The following WDR1 variants were observed in gnomAD, a reference collection of about 807,000 sequenced individuals.
WDR1 encodes WD repeat-containing protein 1.
In WDR1, 21 loss-of-function variants were observed where a neutral mutation model predicts 71.9. The observed-to-expected ratio is 0.29, with a 90% CI of 0.21 to 0.42. WDR1 has a LOEUF of 0.42. Among genes scored for constraint, WDR1 ranks in the 10% least tolerant of loss-of-function variants. WDR1 has a pLI of 1.00. For missense variants in WDR1, 696 were observed against 824.5 expected (o/e 0.84, Z 1.91); for synonymous variants, 424 against 347.4 (o/e 1.22, Z -2.45).
intron 8 of WDR1, among the ~76,000 whole-genome samples, chr4:10,086,569 G>A (rs1017610657): frequency 2.1e-4 from 32 of 152,212 alleles, no homozygotes; most frequent in Middle Eastern, 3.4e-3. Flanking sequence ...AGGAGCCACT[G>A]ACAGCACAGC....
chr4:10,090,577 C>G (rs1323247160), intron 5 of WDR1, among the ~76,000 whole-genome samples: 1 of 152,186 alleles, frequency 6.6e-6, no homozygotes, highest in East Asian at 1.9e-4. Context: ...AAGATTAAAC[C>G]ATTTCCTCCA....
Position 10,099,195 on chromosome 4 carries a change from G to T in WDR1, c.230-56C>A, listed in dbSNP as rs1712545358. On this transcript the variant is annotated intron_variant, in intron 3 of 14. Coordinates refer to ENST00000499869, the MANE Select transcript of WDR1 (RefSeq NM_017491.5). ...GAGGCGGTGGTGGGGTAAAGGGCAG[G>T]GGGAGAGCCACAGGTCACTGCCGGG... The T allele has an allele frequency of 2.3e-6, 3 of 1,326,692 alleles. No homozygotes were observed. The Admixed American group carries it at 6.0e-5, about 27-fold the overall frequency. The allele number at this position is 1,326,692 out of a possible 1,614,324, so 82.2% of individuals were successfully genotyped here.
At position 10,077,734 on chromosome 4, in the gene WDR1, G is replaced by C; in HGVS notation, c.1569+19C>G. On this transcript the variant is annotated intron_variant, in intron 13 of 14. Coordinates refer to ENST00000499869, the MANE Select transcript of WDR1 (RefSeq NM_017491.5). ...CACCGCCCAGCACGGGGACAGAGGA[G>C]GAGCCCGCCGCCACTCACCGAGTAG... The C allele has an allele frequency of 6.4e-7, 1 of 1,553,246 alleles. No individual in the cohort carries two copies. The highest frequency in any genetic ancestry group is 8.7e-7 in the Non-Finnish European group (1 of 1,148,014).
intron 5 of WDR1, 76 bp downstream of exon 5, chr4:10,097,635 A>G: frequency 5.3e-6 from 8 of 1,503,192 alleles, no homozygotes; most frequent in South Asian, 5.1e-5. Context: ...CTCTGCCATC[A>G]GCATCTAAAC....
intron 10 of WDR1, 49 bp downstream of exon 10, chr4:10,082,972 GA>G: frequency 6.4e-7 from 1 of 1,569,256 alleles, no homozygotes. Flanking sequence ...CAAGCCCTCC[GA>G]GGGGAGCTGA....
intron 3 of WDR1, among the ~76,000 whole-genome samples, chr4:10,101,894 CTT>C (rs1712703839): frequency 6.6e-6 from 1 of 152,252 alleles, no homozygotes; most frequent in Non-Finnish European, 1.5e-5. Flanking sequence ...AATGAAGAGA[CTT>C]TTGCTGGCAA....
intron 3 of WDR1, among the ~76,000 whole-genome samples, chr4:10,102,297 G>C (rs946781713): frequency 2.6e-5 from 4 of 152,234 alleles, no homozygotes; most frequent in African/African-American, 9.6e-5. Flanking sequence ...CTCAACTAAG[G>C]CTACGCCACC....
intron 3 of WDR1, among the ~76,000 whole-genome samples, chr4:10,102,533 G>C (rs931434437): frequency 5.9e-5 from 9 of 152,188 alleles, no homozygotes; most frequent in African/African-American, 1.9e-4. Flanking sequence ...CACAGCAAAA[G>C]GCCCTTGACA....
At chr4:10,090,640 A>G (rs535110604) in intron 5 of WDR1, among the ~76,000 whole-genome samples, 27 of 152,346 alleles carry the variant, frequency 1.8e-4, no homozygotes, top group African/African-American at 6.5e-4. Context: ...GGGTGCTGCC[A>G]AGACCTGCTC....
chr4:10,080,598 C>A (rs921113983), intron 11 of WDR1, among the ~76,000 whole-genome samples: 8 of 152,364 alleles, frequency 5.3e-5, no homozygotes, highest in East Asian at 3.9e-4. Context: ...TAGCAGGGCT[C>A]GCCACTCGTG....
intron 2 of WDR1, among the ~76,000 whole-genome samples, chr4:10,104,238 CCTTTTCTG>C (rs1712889833): frequency 1.3e-5 from 2 of 152,080 alleles, no homozygotes; most frequent in African/African-American, 4.8e-5. Context: ...TGATTTTTTT[CCTTTTCTG>C]CTTTTCTGTA....
Position 10,116,676 on chromosome 4 carries a change from C to G in WDR1, c.-10G>C, listed in dbSNP as rs1336959887. On this transcript the variant is annotated 5_prime_UTR_variant, in exon 1 of 15. Coordinates refer to ENST00000499869, the MANE Select transcript of WDR1 (RefSeq NM_017491.5). ...TGATCTCGTACGGCATCCTCGCCCA[C>G]TTGTTACCGCGCCGCGCTCGCCGAG... The G allele has an allele frequency of 1.1e-5, 15 of 1,350,922 alleles. No homozygotes were observed. Among genetic ancestry groups the G allele is most frequent in the Non-Finnish European group, 1.4e-5 (15 of 1,044,218 alleles). The allele number at this position is 1,350,922 out of a possible 1,614,324, so 83.7% of individuals were successfully genotyped here. A position where few individuals can be genotyped will look rare whatever the true frequency, so the allele number is the denominator to read the frequency against.
Position 10,104,000 on chromosome 4 carries a change from C to A in WDR1, c.139-14G>T. 2 of 1,584,528 alleles carry A rather than the reference C, an allele frequency of 1.3e-6. No individual in the cohort carries two copies. Among genetic ancestry groups the A allele is most frequent in the Non-Finnish European group, 1.7e-6 (2 of 1,165,366 alleles). On this transcript the variant is annotated splice_polypyrimidine_tract_variant and intron_variant, in intron 2 of 14. Transcript: ENST00000499869. The stretch of plus-strand genomic sequence containing the variant: ...AAGGGCTGGGTTCTGCAGGAGGAGA[C>A]CCCGGAATGAACAGAAGGAATGGAG...
At position 10,103,939 on chromosome 4, in the gene WDR1, C is replaced by G; in HGVS notation, c.186G>C (p.Val62=). ...DIYTEHAHQV[V]VAKYAPSGFY... ...ATCCGCTGGGCGCATACTTGGCCAC[C>G]ACCACCTGATGGGCGTGCTCTGTGT... is the stretch of plus-strand genomic sequence containing the variant. The change falls in exon 3 of 15, where the codon GTG becomes GTC. Residue 62 remains valine, a synonymous_variant. Coordinates refer to ENST00000499869, the MANE Select transcript of WDR1 (RefSeq NM_017491.5). 1 of 1,603,156 alleles carries G rather than the reference C, an allele frequency of 6.2e-7. No homozygotes were observed. Among genetic ancestry groups the G allele is most frequent in the East Asian group, 2.2e-5 (1 of 44,456 alleles).
rs1281909497 is a variant in WDR1, at chr4:10,074,521, G to A, written c.*857C>T. 6.6e-6 allele frequency: 1 copy of A among 152,570 alleles called. No homozygotes were observed. Among genetic ancestry groups the A allele is most frequent in the Non-Finnish European group, 1.5e-5 (1 of 68,036 alleles). The allele number at this position is 152,570 out of a possible 1,614,324, so 9.5% of individuals were successfully genotyped here. On this transcript the variant is annotated 3_prime_UTR_variant, in exon 15 of 15. Transcript: ENST00000499869. ...TTAATTTCTGCACTGAAAAAGAAAA[G>A]GAAGGTAAAAACAATGACAGATTAG...
Position 10,116,781 on chromosome 4 carries a change from G to C in WDR1, c.-115C>G. ...GGACTGGAGCCGGAAGGCGGCACCG[G>C]GCGTGCCGGGAGTGGAGTGGGCGGT... On this transcript the variant is annotated 5_prime_UTR_variant, in exon 1 of 15. Coordinates refer to ENST00000499869, the MANE Select transcript of WDR1 (RefSeq NM_017491.5). 8.4e-7 allele frequency: 1 copy of C among 1,195,142 alleles called. No homozygotes were observed. Among genetic ancestry groups the C allele is most frequent in the Non-Finnish European group, 1.1e-6 (1 of 951,440 alleles). The allele number at this position is 1,195,142 out of a possible 1,614,324, so 74.0% of individuals were successfully genotyped here.
rs1189105386 is a variant in WDR1 at position 10,092,916 on chromosome 4, T to C, written c.559-4175A>G. On this transcript the variant is annotated intron_variant, in intron 5 of 14. Coordinates refer to ENST00000499869, the MANE Select transcript of WDR1 (RefSeq NM_017491.5). ...TCCAGCCTCATCCCTGGTGGACAAC[T>C]GACGGTGTCCGGTCCACACTCCTGC... is the stretch of plus-strand genomic sequence containing the variant. 4 of 525,742 alleles carry C rather than the reference T, an allele frequency of 7.6e-6. No individual in the cohort carries two copies. In the East Asian group the frequency reaches 2.8e-4, roughly 37 times the overall value. The allele number at this position is 525,742 out of a possible 1,614,324, so 32.6% of individuals were successfully genotyped here. A position where few individuals can be genotyped will look rare whatever the true frequency, so the allele number is the denominator to read the frequency against.
At chr4:10,085,839 A>G (rs1348066154) in intron 8 of WDR1, among the ~76,000 whole-genome samples, 1 of 152,214 alleles carries the variant, frequency 6.6e-6, no homozygotes, top group Non-Finnish European at 1.5e-5. Context: ...AGCACCGAAC[A>G]TCAGCATCTG....
intron 2 of WDR1, among the ~76,000 whole-genome samples, chr4:10,108,056 TC>T (rs1039782086): frequency 6.6e-6 from 1 of 151,258 alleles, no homozygotes; most frequent in African/African-American, 2.4e-5. Context: ...CTAAACATAC[TC>T]CCCCCCGGCA....
Sources: gnomAD v4.1 joint callset for allele counts (sites outside exome capture counted in the v4.1 genomes callset) on GRCh38, gnomAD v4.1.1 for gene constraint, MANE v1.5 for transcripts, NCBI Gene and HGNC (gene_info 2026-07-23, HGNC 2026-07-21) for gene names.